Variants in SCG3 observed in about 807,000 individuals in gnomAD.
SCG3 encodes the protein secretogranin III, also known as secretogranin-3.
Under a neutral mutation model 56.2 loss-of-function variants are expected in SCG3, and 38 were observed. That is an observed-to-expected ratio of 0.68 (90% CI 0.52 to 0.89). SCG3 has a LOEUF of 0.89. SCG3 is among the 40% of genes least tolerant of loss of function. The probability of loss-of-function intolerance (pLI) is 0.00; values close to 1 mark genes in which losing one functional copy is unlikely to be tolerated. For missense variants in SCG3, 524 were observed against 540.7 expected (o/e 0.97, Z 0.31); for synonymous variants, 176 against 184.2 (o/e 0.96, Z 0.36).
In SCG3 at chr15:51,695,967, C is replaced by G; in HGVS notation, c.961C>G (p.Pro321Ala). Residue 321 changes from proline to alanine, a missense_variant, in exon 8 of 12, where the codon CCA becomes GCA. By Grantham distance (27) the Pro-to-Ala change is conservative. Transcript: ENST00000220478. ...GATGGTGAAATATGGAACAATATCTCCAGAAGAAGGTGTTTCCTACCTTGG... is the reference window on the plus strand; with the variant it reads ...GATGGTGAAATATGGAACAATATCTGCAGAAGAAGGTGTTTCCTACCTTGG... ...KMMVKYGTIS[P>A]EEGVSYLENL... 6.3e-7 allele frequency: 1 copy of G among 1,597,748 alleles called. No homozygotes were observed. Among genetic ancestry groups the G allele is most frequent in the East Asian group, 2.2e-5 (1 of 44,744 alleles).
intron 10 of SCG3, among the ~76,000 whole-genome samples, chr15:51,711,365 CA>C (rs1325242830): frequency 6.6e-5 from 10 of 152,146 alleles, no homozygotes; most frequent in Non-Finnish European, 1.5e-4. Context: ...GATACGATAT[CA>C]GAGAAGATAG....
At chr15:51,697,656 C>T (rs910512934) in intron 8 of SCG3, among the ~76,000 whole-genome samples, 6 of 152,080 alleles carry the variant, frequency 3.9e-5, no homozygotes, top group Admixed American at 2.0e-4. Flanking sequence ...CAAGAGGAGA[C>T]TAAAGTAAAT....
rs1248608635 is a variant in SCG3, at chr15:51,681,550, G to C, written c.-206G>C. On this transcript the variant is annotated 5_prime_UTR_variant, in exon 1 of 12. Coordinates refer to ENST00000220478, the MANE Select transcript of SCG3 (RefSeq NM_013243.4). ...GGCGGACAGCGCTCCCCTCTACCTG[G>C]AGACTTGACTCCCGCGCGCCCCAAC... The C allele has an allele frequency of 3.4e-6, 2 of 582,200 alleles. No individual in the cohort carries two copies. Among genetic ancestry groups the C allele is most frequent in the Non-Finnish European group, 6.2e-6 (2 of 324,888 alleles). 36.1% of individuals were successfully genotyped at this position (582,200 alleles called of 1,614,324 possible). A position where few individuals can be genotyped will look rare whatever the true frequency, so the allele number is the denominator to read the frequency against.
chr15:51,710,319 G>C (rs1286229134), intron 10 of SCG3, among the ~76,000 whole-genome samples: 2 of 152,250 alleles, frequency 1.3e-5, no homozygotes, highest in East Asian at 3.9e-4. Context: ...GCATGAAAGA[G>C]GAGGAGAATG....
At chr15:51,718,945 C>G (rs1322884444) in intron 11 of SCG3, among the ~76,000 whole-genome samples, 1 of 152,154 alleles carries the variant, frequency 6.6e-6, no homozygotes, top group African/African-American at 2.4e-5. Flanking sequence ...CTTTTACTAC[C>G]TATGTGACCT....
Position 51,683,190 on chromosome 15 carries a change from C to T in SCG3, c.182-29C>T, listed in dbSNP as rs770498626. On this transcript the variant is annotated intron_variant, in intron 3 of 11. Coordinates refer to ENST00000220478, the MANE Select transcript of SCG3 (RefSeq NM_013243.4). ...GCTATGAGAATCTGAACTAAAATGGCTGTGTTGGGTTTGGGGCTATTCTTC... is the reference window on the plus strand; with the variant it reads ...GCTATGAGAATCTGAACTAAAATGGTTGTGTTGGGTTTGGGGCTATTCTTC... The T allele has an allele frequency of 1.2e-5, 20 of 1,603,782 alleles. No homozygotes were observed. In the South Asian group the frequency reaches 2.1e-4, roughly 17 times the overall value.
At position 51,683,434 on chromosome 15, in the gene SCG3, G is replaced by A. The variant is rs2055208342; in HGVS notation, c.397G>A (p.Asp133Asn). The change falls in exon 4 of 12, where the codon GAT becomes AAT. Residue 133 changes from aspartate (D) to asparagine (N), a missense_variant and splice_region_variant. Asp to Asn is a conservative substitution (Grantham distance 23). Coordinates refer to ENST00000220478, the MANE Select transcript of SCG3 (RefSeq NM_013243.4). ...GAGTGGATTGGATCATAAATTTCAA[G>A]GTAAATGAGAAAAAAAGAACTTTTT... ...TKSGLDHKFQ[D>N]DPDGLHQLDG... 1 of 1,578,236 alleles carries A rather than the reference G, an allele frequency of 6.3e-7. No individual in the cohort carries two copies. The highest frequency in any genetic ancestry group is 8.6e-7 in the Non-Finnish European group (1 of 1,166,238).
At chr15:51,700,365 C>T (rs1454016508) in intron 9 of SCG3, among the ~76,000 whole-genome samples, 2 of 152,132 alleles carry the variant, frequency 1.3e-5, no homozygotes, top group Admixed American at 6.5e-5. Context: ...GCTTGAGGTT[C>T]CAAATATTTT....
intron 10 of SCG3, among the ~76,000 whole-genome samples, chr15:51,709,722 T>TA (rs2055406227): frequency 1.6e-5 from 1 of 64,180 alleles, no homozygotes; most frequent in Non-Finnish European, 3.0e-5. Flanking sequence ...TTTTTTTTTT[T>TA]TTTTTTTTTT....
intron 6 of SCG3, among the ~76,000 whole-genome samples, chr15:51,691,555 T>TG (rs1344707352): frequency 6.6e-6 from 1 of 152,138 alleles, no homozygotes; most frequent in Non-Finnish European, 1.5e-5. Context: ...ATGGATTGGA[T>TG]GGGGGAAAAG....
rs144732016 is a variant in SCG3, at chr15:51,688,288, C to T, written c.426C>T (p.Asp142=). The change falls in exon 5 of 12, where the codon GAC becomes GAT. Residue 142 remains aspartate (D), a synonymous_variant. Coordinates refer to ENST00000220478, the MANE Select transcript of SCG3 (RefSeq NM_013243.4). ...QDDPDGLHQL[D]GTPLTAEDIV... is the part of the protein sequence containing the mutation. ...ATCCAGATGGTCTTCATCAACTAGA[C>T]GGGACTCCTTTAACCGCTGAAGACA... The T allele has an allele frequency of 5.2e-5, 84 of 1,613,662 alleles. No individual in the cohort carries two copies. The highest frequency in any genetic ancestry group is 4.7e-4 in the African/African-American group (35 of 75,022).
intron 9 of SCG3, among the ~76,000 whole-genome samples, chr15:51,700,343 T>G (rs1361081649): frequency 1.3e-5 from 2 of 152,268 alleles, no homozygotes. Context: ...TTTAAAAGTT[T>G]ACTGTTAGAC....
intron 10 of SCG3, among the ~76,000 whole-genome samples, chr15:51,701,742 C>T (rs933688997): frequency 6.6e-6 from 1 of 152,074 alleles, no homozygotes; most frequent in African/African-American, 2.4e-5. Flanking sequence ...CTCATTTCTA[C>T]AAAAAATGCA....
At chr15:51,690,555 T>G (rs2055260279) in intron 6 of SCG3, among the ~76,000 whole-genome samples, 3 of 151,788 alleles carry the variant, frequency 2.0e-5, no homozygotes, top group African/African-American at 7.2e-5. Flanking sequence ...GCCTAAAAAC[T>G]TTCCTCTGCT....
At chr15:51,691,680 T>A (rs1238209804) in intron 6 of SCG3, among the ~76,000 whole-genome samples, 1 of 152,158 alleles carries the variant, frequency 6.6e-6, no homozygotes, top group African/African-American at 2.4e-5. Context: ...AAAGATTTTG[T>A]ACACTCATCC....
intron 10 of SCG3, 75 bp downstream of exon 10, chr15:51,701,319 CCAAAG>C: frequency 2.8e-6 from 4 of 1,428,282 alleles, no homozygotes; most frequent in Non-Finnish European, 2.8e-6. Context: ...GGAGGGTGAT[CCAAAG>C]AGCAAGCTCC....
At chr15:51,718,991 G>A (rs1021620551) in intron 11 of SCG3, among the ~76,000 whole-genome samples, 1 of 152,082 alleles carries the variant, frequency 6.6e-6, no homozygotes, top group Non-Finnish European at 1.5e-5. Context: ...GTGGTTCCTA[G>A]ACCAACAGCA....
intron 8 of SCG3, among the ~76,000 whole-genome samples, chr15:51,696,480 G>A (rs2055304405): frequency 6.6e-6 from 1 of 152,164 alleles, no homozygotes; most frequent in Non-Finnish European, 1.5e-5. Flanking sequence ...GGGCCCAGGA[G>A]GCTGAGGTTG....
Position 51,681,722 on chromosome 15 carries a change from G to C in SCG3, c.-34G>C, listed in dbSNP as rs750042489. On this transcript the variant is annotated 5_prime_UTR_variant, in exon 1 of 12. Transcript: ENST00000220478. The stretch of plus-strand genomic sequence containing the variant: ...CAAAAGCTACAGCTCCAGGAGCCCA[G>C]CGCCGGGCTGTGACCCAAGCCGAGC... The C allele has an allele frequency of 6.9e-7, 1 of 1,456,340 alleles. No individual in the cohort carries two copies. The highest frequency in any genetic ancestry group is 1.4e-5 in the African/African-American group (1 of 70,032). The allele number at this position is 1,456,340 out of a possible 1,614,324, so 90.2% of individuals were successfully genotyped here.
Sources: gnomAD v4.1 joint callset for allele counts (sites outside exome capture counted in the v4.1 genomes callset) on GRCh38, gnomAD v4.1.1 for gene constraint, MANE v1.5 for transcripts, NCBI Gene and HGNC (gene_info 2026-07-23, HGNC 2026-07-21) for gene names.